Variants in ATP6V0A4 observed in about 807,000 individuals in gnomAD.
ATP6V0A4 encodes V-type proton ATPase 116 kDa subunit a 4.
In ATP6V0A4, 86 loss-of-function variants were observed where a neutral mutation model predicts 107.3. The ratio of observed to expected loss-of-function variants is 0.80; its 90% confidence interval spans 0.67 to 0.96. The LOEUF (loss-of-function observed/expected upper bound fraction) is 0.96. ATP6V0A4 is among the 40% of genes least tolerant of loss of function. ATP6V0A4 has a pLI of 0.00. For synonymous variants in ATP6V0A4, 353 were observed against 381.4 expected, an observed-to-expected ratio of 0.93 and a Z score of 0.87; for missense variants, 908 against 1,045.6, an observed-to-expected ratio of 0.87 and a Z score of 1.81.
At chr7:138,765,301 C>T (rs1807030289) in intron 5 of ATP6V0A4, among the ~76,000 whole-genome samples, 1 of 152,140 alleles carries the variant, frequency 6.6e-6, no homozygotes, top group South Asian at 2.1e-4. Flanking sequence ...ATTTTGAACA[C>T]TGAATATAAT....
intron 2 of ATP6V0A4, among the ~76,000 whole-genome samples, chr7:138,775,762 T>C (rs571562585): frequency 4.0e-5 from 6 of 150,586 alleles, no homozygotes; most frequent in African/African-American, 1.2e-4. Context: ...GCCATTCTCC[T>C]GCCTCAGCCT....
intron 1 of ATP6V0A4, among the ~76,000 whole-genome samples, chr7:138,792,766 G>GTTTTTTGTTTTTTTTTTTTTTTTTT (rs1808474812): frequency 1.5e-5 from 1 of 68,708 alleles, no homozygotes; most frequent in African/African-American, 6.4e-5. Flanking sequence ...ACTCAGGTTT[G>GTTTTTTGTTTTTTTTTTTTTTTTTT]TTTTTTTTTT....
intron 5 of ATP6V0A4, chr7:138,764,783 CAG>C (rs1807004892): frequency 6.6e-6 from 1 of 152,118 alleles, no homozygotes; most frequent in African/African-American, 2.4e-5. Flanking sequence ...ACACTGTTAA[CAG>C]AGTTTTTGTT....
At chr7:138,713,238 G>A (rs1178516514) in intron 20 of ATP6V0A4, among the ~76,000 whole-genome samples, 1 of 150,844 alleles carries the variant, frequency 6.6e-6, no homozygotes. Flanking sequence ...CTGGGAGGCG[G>A]AGGTTGCAGT....
intron 17 of ATP6V0A4, among the ~76,000 whole-genome samples, chr7:138,732,135 C>T: frequency 6.6e-6 from 1 of 152,118 alleles, no homozygotes; most frequent in East Asian, 1.9e-4. Flanking sequence ...CATGTGAATA[C>T]AGGGCTTTGT....
At chr7:138,732,789 TTCTC>T (rs1183161696) in intron 17 of ATP6V0A4, 84 bp downstream of exon 17, 1 of 1,354,900 alleles carries the variant, frequency 7.4e-7, no homozygotes, top group East Asian at 2.5e-5. Context: ...GCAAGACTCT[TTCTC>T]AAAAAAAAAA....
chr7:138,761,759 A>G (rs1806830139), intron 7 of ATP6V0A4, among the ~76,000 whole-genome samples: 1 of 152,100 alleles, frequency 6.6e-6, no homozygotes, highest in Non-Finnish European at 1.5e-5. Flanking sequence ...GGCTCACTGC[A>G]ACCTCTACCT....
chr7:138,723,340 GA>G (rs957102388), intron 18 of ATP6V0A4, among the ~76,000 whole-genome samples: 3 of 150,578 alleles, frequency 2.0e-5, no homozygotes, highest in Non-Finnish European at 3.0e-5. Context: ...AAAATTCAAG[GA>G]AAAAAAAATC....
intron 20 of ATP6V0A4, among the ~76,000 whole-genome samples, chr7:138,713,268 G>C (rs1350247439): frequency 7.1e-6 from 1 of 140,504 alleles, no homozygotes; most frequent in African/African-American, 2.7e-5. Context: ...TCACGCCACG[G>C]CACTCCAGCC....
chr7:138,716,578 G>GTT (rs887633879), intron 19 of ATP6V0A4, among the ~76,000 whole-genome samples: 16 of 136,658 alleles, frequency 1.2e-4, no homozygotes, highest in Non-Finnish European at 8.1e-5. Flanking sequence ...TTTTTTTTGG[G>GTT]GGGGGGGGAG....
chr7:138,751,051 G>A (rs1413932592), intron 11 of ATP6V0A4, among the ~76,000 whole-genome samples: 4 of 151,962 alleles, frequency 2.6e-5, no homozygotes, highest in Non-Finnish European at 4.4e-5. Flanking sequence ...CGCCTGCTCA[G>A]AGAGGGTTTC....
Position 138,762,881 on chromosome 7 carries a change from C to T in ATP6V0A4, c.417+19G>A, listed in dbSNP as rs1806896331. 6.2e-7 allele frequency: 1 copy of T among 1,613,496 alleles called. No individual in the cohort carries two copies. The highest frequency in any genetic ancestry group is 8.5e-7 in the Non-Finnish European group (1 of 1,179,618). ...TTCTGAGGAACGGGCCCTTTAGTAA[C>T]TCATCCCCACGTGACCACCTCAAAG... is the stretch of plus-strand genomic sequence containing the variant. On this transcript the variant is annotated intron_variant, in intron 6 of 21. Transcript: ENST00000310018.
chr7:138,797,365 G>A (rs1240170238), intron 1 of ATP6V0A4, among the ~76,000 whole-genome samples: 1 of 151,788 alleles, frequency 6.6e-6, no homozygotes. Context: ...CTACAGGCAT[G>A]CACCACCACA....
intron 15 of ATP6V0A4, among the ~76,000 whole-genome samples, chr7:138,736,179 G>C (rs1464897901): frequency 2.0e-5 from 3 of 152,160 alleles, no homozygotes; most frequent in Admixed American, 2.0e-4. Context: ...GGAGGTCGAG[G>C]CTGCATTGAG....
intron 5 of ATP6V0A4, among the ~76,000 whole-genome samples, chr7:138,763,317 T>C (rs1189938069): frequency 6.6e-6 from 1 of 152,186 alleles, no homozygotes; most frequent in Non-Finnish European, 1.5e-5. Context: ...TGGCAAATCA[T>C]GCCTCCTCTC....
rs1274092641 is a variant in ATP6V0A4 at position 138,777,631 on chromosome 7, A to ATAC, written c.-17-6368_-17-6367insGTA. Among the ~76,000 whole-genome samples, 660 of 119,790 alleles carry ATAC rather than the reference A, an allele frequency of 5.5e-3. 1 individual carries two copies. The highest frequency in any genetic ancestry group is 0.011 in the African/African-American group (306 of 28,344). The allele number at this position is 119,790 out of a possible 152,430, so 78.6% of individuals were successfully genotyped here. ...ACTCCGTCTCAAAAAAAAAAAAAAA[A>ATAC]ATACACACACACACACACACACACA... On this transcript the variant is annotated intron_variant, in intron 2 of 21. Coordinates refer to ENST00000310018, the MANE Select transcript of ATP6V0A4 (RefSeq NM_020632.3).
chr7:138,755,697 A>T lies in ATP6V0A4; in HGVS notation c.808T>A (p.Leu270Ile), dbSNP rs538080700. The T allele has an allele frequency of 9.0e-5, 145 of 1,613,820 alleles. 1 individual carries two copies. In the South Asian group the frequency reaches 1.5e-3, roughly 17 times the overall value. Residue 270 changes from leucine (L) to isoleucine (I), a missense_variant, in exon 10 of 22, where the codon TTA (leucine) becomes ATA (isoleucine). Leu to Ile is a conservative substitution (Grantham distance 5, BLOSUM62 2). Transcript: ENST00000310018. The stretch of plus-strand genomic sequence containing the variant: ...CCAAACCCCTCACTCACGGTGATTA[A>T]ATCTTCCAGCCTCACATTGACGCTC... ...LESVNVRLEDLITVITQTESH... is the reference protein window; with the variant it reads ...LESVNVRLEDIITVITQTESH...
At chr7:138,770,735 A>C (rs1245198333) in intron 3 of ATP6V0A4, among the ~76,000 whole-genome samples, 1 of 152,234 alleles carries the variant, frequency 6.6e-6, no homozygotes, top group African/African-American at 2.4e-5. Flanking sequence ...GGACTCCAGA[A>C]TACTTTGTCT....
At chr7:138,743,608 G>A (rs1048927730) in intron 14 of ATP6V0A4, among the ~76,000 whole-genome samples, 3 of 152,276 alleles carry the variant, frequency 2.0e-5, no homozygotes, top group South Asian at 2.1e-4. Context: ...AGTAAGACCC[G>A]TGAAGTCCCT....
Sources: allele counts gnomAD v4.1 joint callset (sites outside exome capture counted in the v4.1 genomes callset), GRCh38; gene constraint gnomAD v4.1.1; transcripts MANE v1.5; gene names NCBI Gene and HGNC (gene_info 2026-07-23, HGNC 2026-07-21).